ABCG5: variants seen among roughly 807,000 people sequenced by gnomAD.
ABCG5 encodes the protein ATP binding cassette subfamily G member 5.
A neutral mutation model predicts 64.5 loss-of-function variants in ABCG5; 64 were observed. The ratio of observed to expected loss-of-function variants is 0.99; its 90% CI spans 0.81 to 1.22. ABCG5 has a LOEUF of 1.22. ABCG5 is among the 50% of genes most tolerant of loss of function. The probability of loss-of-function intolerance (pLI) is 0.00; values close to 1 mark genes in which losing one functional copy is unlikely to be tolerated. For synonymous variants in ABCG5, 385 were observed against 326.3 expected (o/e 1.18, Z -1.94); for missense variants, 908 against 829.5 (o/e 1.09, Z -1.16).
chr2:43,820,109 G>T lies in ABCG5; in HGVS notation c.1464-9C>A, dbSNP rs1021023393. On this transcript the variant is annotated splice_polypyrimidine_tract_variant and intron_variant, in intron 10 of 12. Coordinates refer to ENST00000405322, the MANE Select transcript of ABCG5 (RefSeq NM_022436.3). ...GATGTAAGCCCAGCGTCCTAGAAAA[G>T]CATAAGCTCTTTAGTTTCCTCTCCA... 8 of 1,612,626 alleles carry T rather than the reference G, an allele frequency of 5.0e-6. No homozygotes were observed. Among genetic ancestry groups the T allele is most frequent in the Non-Finnish European group, 6.8e-6 (8 of 1,179,234 alleles).
downstream of ABCG5, among the ~76,000 whole-genome samples, chr2:43,811,425 T>C (rs1295163968): frequency 1.3e-5 from 2 of 152,200 alleles, no homozygotes; most frequent in Non-Finnish European, 2.9e-5. Flanking sequence ...TTTCAAATGC[T>C]ATAATTTATC....
rs1293491018 is a variant in ABCG5 at position 43,813,265 on chromosome 2, T to C, written c.1807A>G (p.Thr603Ala). ...TTCTCAATGAATTGAATTCCTTGAG[T>C]GAAGGCACACATTGGATTAGTTGTC... ...SVTTNPMCAF[T>A]QGIQFIEKTC... The change falls in exon 13 of 13, where the codon ACT (threonine) becomes GCT (alanine). Residue 603 changes from threonine to alanine, a missense_variant. Physicochemically the swap from Thr to Ala is moderately conservative, Grantham distance 58. Coordinates refer to ENST00000405322, the MANE Select transcript of ABCG5 (RefSeq NM_022436.3). 1 of 1,613,820 alleles carries C rather than the reference T, an allele frequency of 6.2e-7. No individual in the cohort carries two copies. Among genetic ancestry groups the C allele is most frequent in the Non-Finnish European group, 8.5e-7 (1 of 1,179,918 alleles).
downstream of ABCG5, chr2:43,809,897 TCTTGGA>T (rs1420583502): frequency 2.8e-6 from 4 of 1,431,458 alleles, no homozygotes; most frequent in Non-Finnish European, 3.7e-6. Context: ...AAGCTGGATT[TCTTGGA>T]CTAGTGCATC....
In ABCG5 at chr2:43,838,607, G is replaced by C. The variant is rs1668435149; in HGVS notation, c.73C>G (p.Leu25Val). The change falls in exon 1 of 13, where the codon CTG becomes GTG. Residue 25 changes from leucine (L) to valine (V), a missense_variant. By Grantham distance (32) the Leu-to-Val change is conservative. Coordinates refer to ENST00000405322, the MANE Select transcript of ABCG5 (RefSeq NM_022436.3). The surrounding 1 kb of genome is among the most constrained non-coding windows in gnomAD (Gnocchi z 4.2). ...LQVNRGSQSSLEGAPATAPEP... is the reference protein window; with the variant it reads ...LQVNRGSQSSVEGAPATAPEP... ...GGGGCGGTGGCAGGAGCCCCCTCCA[G>C]GGAGCTCTGGGAGCCTCTGTTTACT... The C allele has an allele frequency of 6.2e-6, 10 of 1,612,216 alleles. No homozygotes were observed. The highest frequency in any genetic ancestry group is 8.5e-6 in the Non-Finnish European group (10 of 1,179,564).
chr2:43,827,914 C>T, intron 5 of ABCG5, 69 bp downstream of exon 5: 1 of 1,603,100 alleles, frequency 6.2e-7, no homozygotes, highest in Non-Finnish European at 8.5e-7. Flanking sequence ...GAAGAAAGGG[C>T]CCAAAGTATC....
At chr2:43,813,378 C>G (rs1666586552) in intron 12 of ABCG5, 69 bp from the exon 13 acceptor site, 2 of 1,123,206 alleles carry the variant, frequency 1.8e-6, no homozygotes, top group Non-Finnish European at 2.7e-6. Context: ...AAGTATTTAC[C>G]AAGCGCTTGC....
rs140111105 is a variant in ABCG5 at position 43,826,405 on chromosome 2, G to C, written c.751C>G (p.Gln251Glu). ...ACCTGAAAAAGCTCAGAACGGGGCT[G>C]GTGAATGGTGAGAACCACAATTCGG... ...RNRIVVLTIH[Q>E]PRSELFQLFD... is the part of the protein sequence containing the mutation. The change falls in exon 6 of 13, where the codon CAG (glutamine) becomes GAG (glutamate). Residue 251 changes from glutamine to glutamate, a missense_variant. Physicochemically the swap from Gln to Glu is conservative, Grantham distance 29 (BLOSUM62 2). Transcript: ENST00000405322. 6.2e-7 allele frequency: 1 copy of C among 1,614,090 alleles called. No individual in the cohort carries two copies. Among genetic ancestry groups the C allele is most frequent in the African/African-American group, 1.3e-5 (1 of 75,016 alleles).
chr2:43,825,639 A>C (rs72873585), intron 6 of ABCG5, among the ~76,000 whole-genome samples: 5,734 of 152,038 alleles, frequency 0.038, 367 homozygotes, highest in African/African-American at 0.13. Flanking sequence ...CTGAGACCGA[A>C]TCTCACTCTG....
Position 43,820,040 on chromosome 2 carries a change from G to A in ABCG5, c.1524C>T (p.Ala508=). 6 of 1,614,122 alleles carry A rather than the reference G, an allele frequency of 3.7e-6. No individual in the cohort carries two copies. Among genetic ancestry groups the A allele is most frequent in the Non-Finnish European group, 5.1e-6 (6 of 1,180,034 alleles). ...TTAGAAATTCACCAATTAAGTGGGG[G>A]GCCAAGAGAGCAGCAGAAAAATATC... ...RFGYFSAALL[A]PHLIGEFLTL... The change falls in exon 11 of 13, where the codon GCC becomes GCT. Residue 508 remains alanine (A), a synonymous_variant. Coordinates refer to ENST00000405322, the MANE Select transcript of ABCG5 (RefSeq NM_022436.3).
At chr2:43,826,282 G>T in intron 6 of ABCG5, 100 bp downstream of exon 6, 2 of 1,560,742 alleles carry the variant, frequency 1.3e-6, no homozygotes, top group Non-Finnish European at 1.7e-6. Flanking sequence ...TTACAAGTGT[G>T]AGCCACTGTG....
downstream of ABCG5, chr2:43,810,343 T>C: frequency 1.0e-6 from 1 of 984,618 alleles, no homozygotes; most frequent in Non-Finnish European, 1.2e-6. Flanking sequence ...GCTGTGAGAC[T>C]GACACATTTA....
Position 43,837,890 on chromosome 2 carries a change from T to C in ABCG5, c.209A>G (p.Lys70Arg). Residue 70 changes from lysine (K) to arginine (R), a missense_variant, in exon 2 of 13, where the codon AAA (lysine) becomes AGA (arginine). Lys to Arg is a conservative substitution (Grantham distance 26). Transcript: ENST00000405322. ...GCTCTCCACGTACAAGGAGACATCT[T>C]TGAGGATCTGCCTGGTCCACTGCTG... Reference protein sequence around the residue: ...CRQQWTRQILKDVSLYVESGQ... With the variant: ...CRQQWTRQILRDVSLYVESGQ... The C allele has an allele frequency of 1.2e-6, 2 of 1,614,110 alleles. No homozygotes were observed. The highest frequency in any genetic ancestry group is 1.7e-6 in the Non-Finnish European group (2 of 1,179,986).
At chr2:43,825,218 G>T (rs1257845761) in intron 6 of ABCG5, among the ~76,000 whole-genome samples, 200 bp from the exon 7 acceptor site, 1 of 152,142 alleles carries the variant, frequency 6.6e-6, no homozygotes, top group Non-Finnish European at 1.5e-5. Flanking sequence ...CATTCGAAAT[G>T]CATCCCTACC....
At chr2:43,809,981 A>G, downstream of ABCG5, 2 of 1,250,362 alleles carry the variant, frequency 1.6e-6, no homozygotes, top group Non-Finnish European at 2.0e-6. Context: ...TTTTTTTAAA[A>G]TAAAAGAATC....
intron 2 of ABCG5, chr2:43,832,346 A>G: frequency 1.7e-6 from 1 of 583,648 alleles, no homozygotes; most frequent in South Asian, 2.2e-5. Context: ...CTGGGTCAAG[A>G]CCGAACGTGC....
intron 2 of ABCG5, chr2:43,832,499 G>T (rs1668013745): frequency 3.9e-6 from 1 of 259,470 alleles, no homozygotes; most frequent in Non-Finnish European, 7.6e-6. Flanking sequence ...CCCTGGGGTG[G>T]TCTGGTTGTA....
At chr2:43,827,838 T>C (rs1183179944) in intron 5 of ABCG5, 145 bp downstream of exon 5, 3 of 1,289,028 alleles carry the variant, frequency 2.3e-6, no homozygotes, top group East Asian at 2.5e-5. Flanking sequence ...CCAAAAAAAC[T>C]GGGTCCTCAG....
At chr2:43,832,243 C>G (rs536257956) in intron 2 of ABCG5, 160 bp from the exon 3 acceptor site, 151 of 964,120 alleles carry the variant, frequency 1.6e-4, no homozygotes, top group Non-Finnish European at 2.2e-4. Flanking sequence ...AGGCCCTGCC[C>G]TATGGAACGC....
In ABCG5 at chr2:43,813,205, T is replaced by A; in HGVS notation, c.1867A>T (p.Asn623Tyr). 1 of 1,607,574 alleles carries A rather than the reference T, an allele frequency of 6.2e-7. No homozygotes were observed. Among genetic ancestry groups the A allele is most frequent in the Non-Finnish European group, 8.5e-7 (1 of 1,174,170 alleles). The change falls in exon 13 of 13, where the codon AAC becomes TAC. Residue 623 changes from asparagine to tyrosine, a missense_variant. By Grantham distance (143) the Asn-to-Tyr change is moderately radical. Coordinates refer to ENST00000405322, the MANE Select transcript of ABCG5 (RefSeq NM_022436.3). ...ATAAATGAATACAAAATCAGAAAGT[T>A]CATTGTGAATCTAGATGTTGCACCT... ...CPGATSRFTM[N>Y]FLILYSFIPA...
Sources: allele counts gnomAD v4.1 joint callset (sites outside exome capture counted in the v4.1 genomes callset), GRCh38; gene constraint gnomAD v4.1.1; non-coding constraint Gnocchi (gnomAD v3.1); transcripts MANE v1.5; gene names NCBI Gene and HGNC (gene_info 2026-07-23, HGNC 2026-07-21).